PHF20: variants seen among roughly 807,000 people sequenced by gnomAD.
PHF20 encodes PHD finger protein 20.
A neutral mutation model predicts 113.5 loss-of-function variants in PHF20; 23 were observed. The ratio of observed to expected loss-of-function variants is 0.20; its 90% confidence interval spans 0.15 to 0.29. PHF20 has a LOEUF of 0.29. Among genes scored for constraint, PHF20 ranks in the 10% least tolerant of loss-of-function variants. The probability of loss-of-function intolerance (pLI) is 1.00; values close to 1 mark genes in which losing one functional copy is unlikely to be tolerated. For missense variants in PHF20, 943 were observed against 1,219.6 expected (o/e 0.77, Z 3.38); for synonymous variants, 434 against 457.3 (o/e 0.95, Z 0.65).
intron 1 of PHF20, among the ~76,000 whole-genome samples, chr20:35,777,176 C>T (rs1183000104): frequency 6.6e-6 from 1 of 152,144 alleles, no homozygotes; most frequent in Non-Finnish European, 1.5e-5. Context: ...ACTTCTCTGC[C>T]TTACCAAGAA....
intron 4 of PHF20, among the ~76,000 whole-genome samples, chr20:35,850,296 GTTTTTTTTTT>G (rs554100863): frequency 3.9e-4 from 24 of 62,320 alleles, no homozygotes; most frequent in Non-Finnish European, 6.6e-4. Flanking sequence ...TTCCCCCTCC[GTTTTTTTTTT>G]TTTTTTTTTT....
At chr20:35,872,792 C>T (rs79497991) in intron 9 of PHF20, among the ~76,000 whole-genome samples, 7,402 of 152,098 alleles carry the variant, frequency 0.049, 231 homozygotes, top group African/African-American at 0.099. Flanking sequence ...ATATTTGTTG[C>T]GATTTAATTT....
rs545447592 is a variant in PHF20, at chr20:35,903,309, A to G, written c.1561+3661A>G. On this transcript the variant is annotated intron_variant, in intron 10 of 17. Coordinates refer to ENST00000374012, the MANE Select transcript of PHF20 (RefSeq NM_016436.5). The stretch of plus-strand genomic sequence containing the variant: ...GGGTTGGACAATTATAAAATGCTTT[A>G]AGGGAAACAAGAGTCTTTTAAATCC... 2.6e-5 allele frequency among the ~76,000 whole-genome samples: 4 copies of G among 152,182 alleles called. No homozygotes were observed. In the East Asian group the frequency reaches 7.7e-4, roughly 29 times the overall value.
intron 17 of PHF20, among the ~76,000 whole-genome samples, chr20:35,944,777 G>C (rs1009777713): frequency 6.6e-6 from 1 of 152,112 alleles, no homozygotes. Context: ...ATGTTGGCCA[G>C]GCTTGTCTTG....
intron 9 of PHF20, among the ~76,000 whole-genome samples, chr20:35,890,679 G>A (rs997608252): frequency 3.9e-5 from 6 of 152,066 alleles, no homozygotes; most frequent in African/African-American, 9.7e-5. Context: ...TCAGGAGTTC[G>A]AGACCAGCCT....
At chr20:35,892,045 G>T (rs1046466433) in intron 9 of PHF20, among the ~76,000 whole-genome samples, 3 of 143,948 alleles carry the variant, frequency 2.1e-5, no homozygotes, top group South Asian at 4.4e-4. Flanking sequence ...AATTTTTTTT[G>T]TTTTTTTTTG....
intron 9 of PHF20, among the ~76,000 whole-genome samples, chr20:35,896,991 T>C (rs1026106642): frequency 2.0e-5 from 3 of 152,056 alleles, no homozygotes; most frequent in Non-Finnish European, 4.4e-5. Flanking sequence ...TCTTGCAGTC[T>C]CTGGGTCCTT....
At chr20:35,873,501 C>T (rs1403342638) in intron 9 of PHF20, among the ~76,000 whole-genome samples, 1 of 130,954 alleles carries the variant, frequency 7.6e-6, no homozygotes, top group Non-Finnish European at 1.6e-5. Flanking sequence ...CAGAGTCTTG[C>T]TCTATCGCCC....
intron 1 of PHF20, among the ~76,000 whole-genome samples, chr20:35,773,106 C>T (rs1015858530): frequency 6.6e-6 from 1 of 152,192 alleles, no homozygotes; most frequent in Non-Finnish European, 1.5e-5. Context: ...GAAGGAGACT[C>T]ATTTTCATAT....
intron 2 of PHF20, among the ~76,000 whole-genome samples, chr20:35,823,836 T>G (rs989307006): frequency 6.6e-6 from 1 of 152,152 alleles, no homozygotes; most frequent in Non-Finnish European, 1.5e-5. Flanking sequence ...GTACATAGCC[T>G]TTTGGATTTG....
At chr20:35,813,334 T>C (rs1242113697) in intron 2 of PHF20, among the ~76,000 whole-genome samples, 1 of 152,178 alleles carries the variant, frequency 6.6e-6, no homozygotes, top group East Asian at 1.9e-4. Flanking sequence ...GTGTAGTCAA[T>C]TCCATTCATT....
chr20:35,850,308 T>TTTG (rs2042699567), intron 4 of PHF20, among the ~76,000 whole-genome samples: 1 of 108,388 alleles, frequency 9.2e-6, no homozygotes. Context: ...TTTTTTTTTT[T>TTTG]TTTTTTTTTT....
At chr20:35,882,045 GA>G (rs562300275) in intron 9 of PHF20, among the ~76,000 whole-genome samples, 333 of 152,324 alleles carry the variant, frequency 2.2e-3, no homozygotes, top group Middle Eastern at 0.01. Flanking sequence ...TCTTGAAATA[GA>G]AATATTTATT....
intron 9 of PHF20, among the ~76,000 whole-genome samples, chr20:35,877,580 CT>C (rs1188827033): frequency 2.6e-3 from 363 of 140,684 alleles, no homozygotes; most frequent in Admixed American, 3.7e-3. Context: ...CTCCCACTTT[CT>C]TTTTTTTTTT....
At chr20:35,781,345 A>C (rs973577450) in intron 1 of PHF20, among the ~76,000 whole-genome samples, 9 of 150,650 alleles carry the variant, frequency 6.0e-5, no homozygotes, top group South Asian at 4.2e-4. Flanking sequence ...GTTTCACCGT[A>C]TTAGCCAGGT....
intron 9 of PHF20, chr20:35,887,542 T>G (rs2054757383): frequency 6.6e-6 from 1 of 152,146 alleles, no homozygotes; most frequent in African/African-American, 2.4e-5. Flanking sequence ...GCAGCTTGTT[T>G]CACTAAGACA....
chr20:35,875,659 T>C (rs2054508846), intron 9 of PHF20, among the ~76,000 whole-genome samples: 1 of 152,192 alleles, frequency 6.6e-6, no homozygotes, highest in Non-Finnish European at 1.5e-5. Context: ...AATCTCGGAA[T>C]TTAGTTGTCT....
intron 17 of PHF20, among the ~76,000 whole-genome samples, chr20:35,946,541 A>T (rs1239491933): frequency 6.6e-6 from 1 of 152,082 alleles, no homozygotes; most frequent in Non-Finnish European, 1.5e-5. Flanking sequence ...AGCAAATCAG[A>T]GTTTATGATA....
chr20:35,940,330 C>A (rs951693424), intron 16 of PHF20, among the ~76,000 whole-genome samples: 44 of 152,034 alleles, frequency 2.9e-4, no homozygotes, highest in Non-Finnish European at 1.2e-4. Flanking sequence ...ACAGTCTTTT[C>A]CATTGATGGT....
Sources: allele counts gnomAD v4.1 joint callset (sites outside exome capture counted in the v4.1 genomes callset), GRCh38; gene constraint gnomAD v4.1.1; transcripts MANE v1.5; gene names NCBI Gene and HGNC (gene_info 2026-07-23, HGNC 2026-07-21).